The following JAKMIP1 variants were observed in gnomAD, a reference collection of about 807,000 sequenced individuals.
The protein encoded by JAKMIP1 is janus kinase and microtubule-interacting protein 1.
Under a neutral mutation model 113.0 loss-of-function variants are expected in JAKMIP1, and 33 were observed. The ratio of observed to expected loss-of-function variants is 0.29; its 90% CI spans 0.22 to 0.39. JAKMIP1 has a LOEUF of 0.39. JAKMIP1 is among the 10% of genes least tolerant of loss of function. The probability of loss-of-function intolerance (pLI) is 1.00; values close to 1 mark genes in which losing one functional copy is unlikely to be tolerated. For synonymous variants in JAKMIP1, 480 were observed against 459.9 expected (o/e 1.04, Z -0.56); for missense variants, 813 against 1,080.5 (o/e 0.75, Z 3.47).
rs779062519 is a variant in JAKMIP1, at chr4:6,085,501, C to T, written c.753G>A (p.Lys251=). Residue 251 remains lysine (K), a synonymous_variant, in exon 4 of 21, where the codon AAG becomes AAA. Coordinates refer to ENST00000409021, the MANE Select transcript of JAKMIP1 (RefSeq NM_001099433.2). ...GACTACTGTGGTGCCGCTCGGCCTC[C>T]TTGACCTGAACCAGCTGCTCATCCA... ...EALDEQLVQV[K]EAERHHSSPK... 4.5e-5 allele frequency: 73 copies of T among 1,614,186 alleles called. No individual in the cohort carries two copies. Among genetic ancestry groups the T allele is most frequent in the Middle Eastern group, 1.6e-4 (1 of 6,062 alleles).
At chr4:6,045,434 T>A (rs1490193157) in intron 16 of JAKMIP1, among the ~76,000 whole-genome samples, 1 of 152,212 alleles carries the variant, frequency 6.6e-6, no homozygotes, top group African/African-American at 2.4e-5. Context: ...CCAGGACGGA[T>A]GCCTGTGTCC....
At position 6,138,712 on chromosome 4, in the gene JAKMIP1, G is replaced by T. The variant is rs1719627523; in HGVS notation, c.-147-25715C>A. Among the ~76,000 whole-genome samples, 1 of 152,112 alleles carries T rather than the reference G, an allele frequency of 6.6e-6. No homozygotes were observed. The highest frequency in any genetic ancestry group is 2.1e-4 in the South Asian group (1 of 4,824). On this transcript the variant is annotated intron_variant, in intron 1 of 20. Coordinates refer to ENST00000409021, the MANE Select transcript of JAKMIP1 (RefSeq NM_001099433.2). This position sits in a 1 kb window ranked among gnomAD's most constrained non-coding sequence, Gnocchi z 6.0. ...GCCGTGCAGTGGCGTGTTCTCAACG[G>T]CCAGCTCTGTCTCAGAATGGGTACG...
rs151106782 is a variant in JAKMIP1, at chr4:6,089,543, A to C, written c.625-3914T>G. 2.6e-5 allele frequency among the ~76,000 whole-genome samples: 4 copies of C among 152,348 alleles called. No homozygotes were observed. The highest frequency in any genetic ancestry group is 7.2e-5 in the African/African-American group (3 of 41,586). ...AGGGGAATGTGCTAACACTCTAGTTAGCAGCAGAACCATGACTCAAGTGCA... is the reference window on the plus strand; with the variant it reads ...AGGGGAATGTGCTAACACTCTAGTTCGCAGCAGAACCATGACTCAAGTGCA... On this transcript the variant is annotated intron_variant, in intron 3 of 20. Transcript: ENST00000409021. The surrounding 1 kb of genome is among the most constrained non-coding windows in gnomAD (Gnocchi z 5.3).
rs939050573 is a variant in JAKMIP1, at chr4:6,155,799, C to T, written c.-147-42802G>A. Among the ~76,000 whole-genome samples, 4 of 152,218 alleles carry T rather than the reference C, an allele frequency of 2.6e-5. No homozygotes were observed. Among genetic ancestry groups the T allele is most frequent in the Non-Finnish European group, 5.9e-5 (4 of 68,040 alleles). On this transcript the variant is annotated intron_variant, in intron 1 of 20. Coordinates refer to ENST00000409021, the MANE Select transcript of JAKMIP1 (RefSeq NM_001099433.2). This position sits in a 1 kb window ranked among gnomAD's most constrained non-coding sequence, Gnocchi z 6.1. ...ATTTTGCTCTGAAGGCCTGTGTATC[C>T]TGATTCCCAAGTGTGCTTGCTAACA...
intron 1 of JAKMIP1, among the ~76,000 whole-genome samples, chr4:6,195,321 G>T (rs368978740): frequency 6.6e-6 from 1 of 152,312 alleles, no homozygotes; most frequent in Non-Finnish European, 1.5e-5. Context: ...TTCTAGAGGT[G>T]GATGGTAGCG....
chr4:6,147,306 G>C (rs368712558), intron 1 of JAKMIP1, among the ~76,000 whole-genome samples: 5 of 150,060 alleles, frequency 3.3e-5, no homozygotes, highest in Admixed American at 2.6e-4. Flanking sequence ...TTTTGTTTTG[G>C]TTTGGTTCGG....
chr4:6,110,389 T>A (rs1301257555), intron 2 of JAKMIP1, among the ~76,000 whole-genome samples: 1 of 151,482 alleles, frequency 6.6e-6, no homozygotes, highest in Non-Finnish European at 1.5e-5. Flanking sequence ...CCTCCAGGAC[T>A]GTGAGACAGC....
chr4:6,078,919 G>A lies in JAKMIP1; in HGVS notation c.1302+20C>T, dbSNP rs1720082398. The A allele has an allele frequency of 6.2e-7, 1 of 1,613,776 alleles. No homozygotes were observed. The highest frequency in any genetic ancestry group is 1.3e-5 in the African/African-American group (1 of 74,920). ...GTGACACAGCGGCAAGGTAGGGCAGGTGCACCATCGCAGGCTCACCTTGGG... is the reference window on the plus strand; with the variant it reads ...GTGACACAGCGGCAAGGTAGGGCAGATGCACCATCGCAGGCTCACCTTGGG... On this transcript the variant is annotated intron_variant, in intron 8 of 20. Coordinates refer to ENST00000409021, the MANE Select transcript of JAKMIP1 (RefSeq NM_001099433.2).
chr4:6,067,870 G>A lies in JAKMIP1; in HGVS notation c.1303-2862C>T, dbSNP rs566196136. ...CGCAGGTCACCCCCCTGAGCTCCAC[G>A]TTCCACATTTTTCTGAACAGCCACT... On this transcript the variant is annotated intron_variant, in intron 8 of 20. Transcript: ENST00000409021. This position sits in a 1 kb window ranked among gnomAD's most constrained non-coding sequence, Gnocchi z 4.6. Among the ~76,000 whole-genome samples the A allele has an allele frequency of 4.6e-5, 7 of 152,282 alleles. No individual in the cohort carries two copies. The highest frequency in any genetic ancestry group is 7.2e-5 in the African/African-American group (3 of 41,548).
intron 12 of JAKMIP1, among the ~76,000 whole-genome samples, chr4:6,055,226 G>A (rs1716220552): frequency 1.3e-5 from 2 of 152,152 alleles, no homozygotes; most frequent in Admixed American, 1.3e-4. Context: ...GTGGACTGGA[G>A]GCTGCCAGGG....
At chr4:6,032,039 T>C (rs565282671) in intron 19 of JAKMIP1, among the ~76,000 whole-genome samples, 1 of 152,256 alleles carries the variant, frequency 6.6e-6, no homozygotes, top group South Asian at 2.1e-4. Flanking sequence ...TGCTGCTGAG[T>C]AAGCAGGGCA....
chr4:6,037,878 T>A (rs1578053047), intron 18 of JAKMIP1, among the ~76,000 whole-genome samples: 1 of 113,080 alleles, frequency 8.8e-6, no homozygotes, highest in African/African-American at 3.4e-5. Flanking sequence ...GAGGCAGAGG[T>A]TAACCCAGTA....
At chr4:6,145,313 C>T (rs1720705876) in intron 1 of JAKMIP1, among the ~76,000 whole-genome samples, 4 of 152,128 alleles carry the variant, frequency 2.6e-5, no homozygotes, top group Admixed American at 2.6e-4. Flanking sequence ...TATACAGAAC[C>T]TCTGGGGTGA....
At chr4:6,144,875 T>C (rs1271048495) in intron 1 of JAKMIP1, among the ~76,000 whole-genome samples, 2 of 152,220 alleles carry the variant, frequency 1.3e-5, no homozygotes, top group African/African-American at 4.8e-5. Context: ...GAGGTTTTAG[T>C]CAGGGCAACT....
intron 2 of JAKMIP1, among the ~76,000 whole-genome samples, chr4:6,111,781 G>C (rs1714976124): frequency 6.6e-6 from 1 of 152,204 alleles, no homozygotes. Context: ...TGCCTTAGGA[G>C]AGAGGAAAGT....
In JAKMIP1 at chr4:6,119,867, C is replaced by T. The variant is rs986500928; in HGVS notation, c.-147-6870G>A. Among the ~76,000 whole-genome samples, 4 of 152,232 alleles carry T rather than the reference C, an allele frequency of 2.6e-5. No homozygotes were observed. In the South Asian group the frequency reaches 6.2e-4, roughly 24 times the overall value. ...CCAAGATTGTTGGATGACCCGGTGG[C>T]AGCCATGGGCTTTCCAACCCAGGTC... On this transcript the variant is annotated intron_variant, in intron 1 of 20. Coordinates refer to ENST00000409021, the MANE Select transcript of JAKMIP1 (RefSeq NM_001099433.2).
Position 6,050,106 on chromosome 4 carries a change from G to C in JAKMIP1, c.1909-234C>G, listed in dbSNP as rs886749105. ...TGCTTTCTAGAAAGGCCATGGAAGC[G>C]GGTGAGTCAGGACGCTGTCCCTGGA... On this transcript the variant is annotated intron_variant, in intron 14 of 20. Transcript: ENST00000409021. This position sits in a 1 kb window ranked among gnomAD's most constrained non-coding sequence, Gnocchi z 7.4. 6.6e-6 allele frequency among the ~76,000 whole-genome samples: 1 copy of C among 152,214 alleles called. No homozygotes were observed. Among genetic ancestry groups the C allele is most frequent in the Non-Finnish European group, 1.5e-5 (1 of 68,038 alleles).
At chr4:6,035,137 T>TTC (rs147321721) in intron 19 of JAKMIP1, among the ~76,000 whole-genome samples, 6 of 151,394 alleles carry the variant, frequency 4.0e-5, no homozygotes, top group South Asian at 2.1e-4. Flanking sequence ...CTCTTTCTCT[T>TTC]TCTCTCTCTC....
In JAKMIP1 at chr4:6,094,345, C is replaced by G. The variant is rs560164587; in HGVS notation, c.625-8716G>C. 6.6e-6 allele frequency among the ~76,000 whole-genome samples: 1 copy of G among 152,178 alleles called. No homozygotes were observed. Among genetic ancestry groups the G allele is most frequent in the Non-Finnish European group, 1.5e-5 (1 of 68,032 alleles). Reference sequence around the variant, plus strand: ...AACACTCTCCTTTATCTCCCAGCTGCCTGAAGCTTGATGCGAAAGGGCCAC... The same window carrying G: ...AACACTCTCCTTTATCTCCCAGCTGGCTGAAGCTTGATGCGAAAGGGCCAC... On this transcript the variant is annotated intron_variant, in intron 3 of 20. Transcript: ENST00000409021. The surrounding 1 kb of genome is among the most constrained non-coding windows in gnomAD (Gnocchi z 4.2).
Sources: allele counts gnomAD v4.1 joint callset (sites outside exome capture counted in the v4.1 genomes callset), GRCh38; gene constraint gnomAD v4.1.1; non-coding constraint Gnocchi (gnomAD v3.1); transcripts MANE v1.5; gene names NCBI Gene and HGNC (gene_info 2026-07-23, HGNC 2026-07-21).